Variants in SLC31A2 observed in about 807,000 individuals in gnomAD.
SLC31A2 encodes the protein protein SLC31A2.
Under a neutral mutation model 14.4 loss-of-function variants are expected in SLC31A2, and 16 were observed. The observed-to-expected ratio is 1.11, with a 90% CI of 0.75 to 1.69. The LOEUF (loss-of-function observed/expected upper bound fraction) is 1.69. Ranked by LOEUF, SLC31A2 falls within the 40% of genes most tolerant of loss-of-function variation. SLC31A2 has a pLI of 0.00. For synonymous variants in SLC31A2, 56 were observed against 68.7 expected, an observed-to-expected ratio of 0.82 and a Z score of 0.91; for missense variants, 140 against 173.9, an observed-to-expected ratio of 0.81 and a Z score of 1.10.
At chr9:113,154,836 A>G (rs1829914312) in intron 1 of SLC31A2, among the ~76,000 whole-genome samples, 1 of 152,158 alleles carries the variant, frequency 6.6e-6, no homozygotes, top group Non-Finnish European at 1.5e-5. Flanking sequence ...TTACTGTCCC[A>G]TCCCCAGACT....
At chr9:113,154,685 C>G (rs761078113) in intron 1 of SLC31A2, among the ~76,000 whole-genome samples, 17 of 152,188 alleles carry the variant, frequency 1.1e-4, no homozygotes, top group Non-Finnish European at 2.5e-4. Flanking sequence ...CAGTGATTCA[C>G]CCGGGACTGA....
rs1413729114 is a variant in SLC31A2 at position 113,162,010 on chromosome 9, G to A, written c.263+312G>A. ...ACCCACCCTCCCCCAAATCTCACCA[G>A]TTCCATGGGTCACTAGGCTCCCATA... On this transcript the variant is annotated intron_variant, in intron 3 of 3. Transcript: ENST00000259392. The A allele has an allele frequency of 1.6e-5, 7 of 445,396 alleles. 1 individual carries two copies. The highest frequency in any genetic ancestry group is 7.0e-5 in the Admixed American group (2 of 28,706). The allele number at this position is 445,396 out of a possible 1,614,324, so 27.6% of individuals were successfully genotyped here. A position where few individuals can be genotyped will look rare whatever the true frequency, so the allele number is the denominator to read the frequency against.
chr9:113,153,685 GAC>G (rs1294243909), intron 1 of SLC31A2, among the ~76,000 whole-genome samples: 1 of 152,080 alleles, frequency 6.6e-6, no homozygotes, highest in African/African-American at 2.4e-5. Flanking sequence ...TCCCTCAGAA[GAC>G]ACAGAGCTGT....
At chr9:113,155,775 A>G (rs1829924931) in intron 1 of SLC31A2, among the ~76,000 whole-genome samples, 1 of 48,848 alleles carries the variant, frequency 2.0e-5, no homozygotes, top group South Asian at 9.7e-4. Flanking sequence ...TTTGACATGT[A>G]TGGGAAAAAA....
intron 2 of SLC31A2, among the ~76,000 whole-genome samples, chr9:113,160,701 G>A (rs1382610450): frequency 1.3e-5 from 2 of 152,122 alleles, no homozygotes; most frequent in Non-Finnish European, 2.9e-5. Flanking sequence ...CCTTCCAGAG[G>A]TAGGGAGTGG....
At chr9:113,161,421 T>C in intron 2 of SLC31A2, 88 bp from the exon 3 acceptor site, 5 of 1,174,676 alleles carry the variant, frequency 4.3e-6, no homozygotes, top group Non-Finnish European at 6.3e-6. Context: ...TAGAGGTGGA[T>C]GGAGTGGATT....
At chr9:113,158,135 C>A in intron 2 of SLC31A2, 1 of 483,612 alleles carries the variant, frequency 2.1e-6, no homozygotes, top group Non-Finnish European at 4.2e-6. Flanking sequence ...TCAAGGCCTC[C>A]GGGTGTCACC....
At position 113,162,131 on chromosome 9, in the gene SLC31A2, G is replaced by A. The variant is rs78610404; in HGVS notation, c.263+433G>A. 5.9e-4 allele frequency: 195 copies of A among 332,208 alleles called. 1 individual carries two copies. The highest frequency in any genetic ancestry group is 4.0e-3 in the African/African-American group (182 of 45,986). 20.6% of individuals were successfully genotyped at this position (332,208 alleles called of 1,614,324 possible). Reference sequence around the variant, plus strand: ...CTCTCCTCCCTTCCCACTCGAATCAGGCAACCATTTAGGGTCCCTGTTCTG... The same window carrying A: ...CTCTCCTCCCTTCCCACTCGAATCAAGCAACCATTTAGGGTCCCTGTTCTG... On this transcript the variant is annotated intron_variant, in intron 3 of 3. Coordinates refer to ENST00000259392, the MANE Select transcript of SLC31A2 (RefSeq NM_001860.3).
chr9:113,157,977 G>T (rs377383738), intron 2 of SLC31A2, 184 bp downstream of exon 2: 2 of 681,870 alleles, frequency 2.9e-6, no homozygotes, highest in African/African-American at 3.5e-5. Context: ...ATCGCAAAGG[G>T]CTCCATTATC....
chr9:113,157,921 C>T (rs1388622038), intron 2 of SLC31A2, 128 bp downstream of exon 2: 2 of 736,002 alleles, frequency 2.7e-6, no homozygotes, highest in Non-Finnish European at 4.9e-6. Flanking sequence ...AAACACTGAG[C>T]AGGAACTTCA....
intron 2 of SLC31A2, among the ~76,000 whole-genome samples, chr9:113,159,940 C>T (rs1034291908): frequency 2.3e-4 from 35 of 152,130 alleles, no homozygotes; most frequent in African/African-American, 7.5e-4. Flanking sequence ...TTTGGGAGGC[C>T]GAGGCGAGTG....
At chr9:113,162,624 A>T in intron 3 of SLC31A2, 125 bp from the exon 4 acceptor site, 1 of 860,566 alleles carries the variant, frequency 1.2e-6, no homozygotes, top group Non-Finnish European at 1.8e-6. Context: ...CTCCTGGGTT[A>T]AGCATACAAG....
At chr9:113,153,663 A>G (rs190098843) in intron 1 of SLC31A2, among the ~76,000 whole-genome samples, 26 of 152,358 alleles carry the variant, frequency 1.7e-4, no homozygotes, top group African/African-American at 4.8e-4. Context: ...AACGTGGTAC[A>G]GGCACATGCA....
At chr9:113,159,755 A>AT (rs1182451701) in intron 2 of SLC31A2, among the ~76,000 whole-genome samples, 4 of 152,204 alleles carry the variant, frequency 2.6e-5, no homozygotes, top group Non-Finnish European at 4.4e-5. Flanking sequence ...TCAGGCACCA[A>AT]TTGCAAGTCC....
At chr9:113,154,069 T>C (rs539049751) in intron 1 of SLC31A2, among the ~76,000 whole-genome samples, 4 of 152,110 alleles carry the variant, frequency 2.6e-5, no homozygotes, top group Non-Finnish European at 5.9e-5. Context: ...CCTCCCGGGC[T>C]CAAGTGATCC....
intron 3 of SLC31A2, chr9:113,162,431 A>T (rs1190732039): frequency 4.2e-6 from 1 of 240,682 alleles, no homozygotes; most frequent in Non-Finnish European, 8.0e-6. Context: ...TCAGGGGGGA[A>T]ATATGCCTTA....
intron 1 of SLC31A2, chr9:113,156,300 A>C: frequency 5.0e-6 from 2 of 396,984 alleles, no homozygotes; most frequent in South Asian, 1.9e-5. Context: ...CCCTCTTCAT[A>C]CTCATTTTCC....
chr9:113,157,128 T>C (rs1443308036), intron 1 of SLC31A2, among the ~76,000 whole-genome samples: 3 of 152,196 alleles, frequency 2.0e-5, no homozygotes, highest in Admixed American at 6.5e-5. Flanking sequence ...CCTGCAGTCT[T>C]TCCTGTAAGG....
At chr9:113,162,089 G>A (rs1012927874) in intron 3 of SLC31A2, 27 of 343,052 alleles carry the variant, frequency 7.9e-5, no homozygotes, top group South Asian at 6.1e-4. Flanking sequence ...TTGGTGGGAG[G>A]AGGATGACAA....
Sources: gnomAD v4.1 joint callset for allele counts (sites outside exome capture counted in the v4.1 genomes callset) on GRCh38, gnomAD v4.1.1 for gene constraint, MANE v1.5 for transcripts, NCBI Gene and HGNC (gene_info 2026-07-23, HGNC 2026-07-21) for gene names.